Variants in EMSY observed in about 807,000 individuals in gnomAD.
EMSY encodes the protein BRCA2-interacting transcriptional repressor EMSY.
EMSY carries 26 observed loss-of-function variants against 134.6 expected under a neutral mutation model. The ratio of observed to expected loss-of-function variants is 0.19; its 90% CI spans 0.14 to 0.27. The LOEUF is 0.27. Ranked by LOEUF, EMSY falls within the 10% of genes least tolerant of loss-of-function variation. The probability of loss-of-function intolerance (pLI) is 1.00; values close to 1 mark genes in which losing one functional copy is unlikely to be tolerated. For synonymous variants in EMSY, 579 were observed against 577.8 expected (o/e 1.00, Z -0.03); for missense variants, 1,305 against 1,611.4 (o/e 0.81, Z 3.26).
intron 8 of EMSY, among the ~76,000 whole-genome samples, chr11:76,475,080 T>G (rs1478063946): frequency 6.6e-6 from 1 of 152,142 alleles, no homozygotes; most frequent in Non-Finnish European, 1.5e-5. Flanking sequence ...TAAAAATAAT[T>G]TTTATACAGA....
chr11:76,552,192 A>G (rs181406072), downstream of EMSY: 5 of 152,332 alleles, frequency 3.3e-5, no homozygotes, highest in Admixed American at 3.3e-4. Context: ...TTAATTGAGC[A>G]TCTTCTGTAT....
intron 6 of EMSY, among the ~76,000 whole-genome samples, chr11:76,462,324 A>G (rs1229290803): frequency 6.6e-6 from 1 of 152,280 alleles, no homozygotes; most frequent in Non-Finnish European, 1.5e-5. Flanking sequence ...TGTAGTTTTA[A>G]GTAACAGGAA....
intron 12 of EMSY, among the ~76,000 whole-genome samples, chr11:76,524,443 G>A (rs1402181569): frequency 6.6e-6 from 1 of 152,150 alleles, no homozygotes; most frequent in Non-Finnish European, 1.5e-5. Flanking sequence ...TCATTGGTAG[G>A]GGTCCAGCAT....
chr11:76,500,095 A>C (rs549579970), intron 9 of EMSY, among the ~76,000 whole-genome samples: 380 of 151,150 alleles, frequency 2.5e-3, no homozygotes, highest in African/African-American at 8.9e-3. Flanking sequence ...AAAAAAAACC[A>C]AACCCAAAAC....
chr11:76,538,334 A>G (rs548409175), intron 16 of EMSY, among the ~76,000 whole-genome samples: 1 of 152,232 alleles, frequency 6.6e-6, no homozygotes, highest in Non-Finnish European at 1.5e-5. Flanking sequence ...ATCATGATTC[A>G]CTGCAGCCTC....
At position 76,455,778 on chromosome 11, in the gene EMSY, T is replaced by C. The variant is rs190345048; in HGVS notation, c.245+2390T>C. Among the ~76,000 whole-genome samples, 77 of 152,356 alleles carry C rather than the reference T, an allele frequency of 5.1e-4. 1 individual carries two copies. The Middle Eastern group carries it at 0.034, about 67-fold the overall frequency. On this transcript the variant is annotated intron_variant, in intron 4 of 20. Transcript: ENST00000334736. The stretch of plus-strand genomic sequence containing the variant: ...ATACTCTTAATTCAGTTTTTAATTA[T>C]GTCAGAATGTTACAGTATTAACGCC...
At chr11:76,511,632 G>A (rs1446207042) in intron 9 of EMSY, among the ~76,000 whole-genome samples, 3 of 152,056 alleles carry the variant, frequency 2.0e-5, no homozygotes, top group East Asian at 1.9e-4. Context: ...CCCAGGAGGT[G>A]GAGGTTGCAG....
chr11:76,533,662 G>A (rs1391426734), intron 14 of EMSY, among the ~76,000 whole-genome samples: 1 of 152,170 alleles, frequency 6.6e-6, no homozygotes, highest in African/African-American at 2.4e-5. Context: ...AGAGATGTCT[G>A]AGTCTGCCTT....
At chr11:76,453,266 A>C in intron 3 of EMSY, 48 bp from the exon 4 acceptor site, 4 of 1,552,244 alleles carry the variant, frequency 2.6e-6, no homozygotes, top group Non-Finnish European at 3.5e-6. Context: ...AAGTATAGAA[A>C]GAGCTGCCTG....
chr11:76,538,423 T>C (rs935689196), intron 16 of EMSY, among the ~76,000 whole-genome samples: 2 of 151,904 alleles, frequency 1.3e-5, no homozygotes, highest in Non-Finnish European at 2.9e-5. Flanking sequence ...CTATGCCTGG[T>C]TAATTTTTTG....
intron 14 of EMSY, among the ~76,000 whole-genome samples, chr11:76,530,674 G>T (rs1480264673): frequency 6.6e-6 from 1 of 152,014 alleles, no homozygotes; most frequent in Non-Finnish European, 1.5e-5. Context: ...TGACTGTAAG[G>T]CAGATTTTTA....
intron 12 of EMSY, among the ~76,000 whole-genome samples, chr11:76,525,082 G>A (rs951196630): frequency 6.6e-5 from 10 of 152,292 alleles, no homozygotes; most frequent in Admixed American, 1.3e-4. Context: ...ACCTATGCAT[G>A]CCCACAACAC....
intron 2 of EMSY, among the ~76,000 whole-genome samples, chr11:76,448,145 G>A (rs539012536): frequency 2.7e-3 from 405 of 152,196 alleles, no homozygotes; most frequent in Non-Finnish European, 4.3e-3. Flanking sequence ...TAAAGGGCCC[G>A]TCATAGTAAA....
At chr11:76,518,910 T>C (rs971977673) in intron 11 of EMSY, among the ~76,000 whole-genome samples, 1 of 151,006 alleles carries the variant, frequency 6.6e-6, no homozygotes, top group African/African-American at 2.4e-5. Context: ...ATGACGAACA[T>C]TATTATACAT....
intron 9 of EMSY, among the ~76,000 whole-genome samples, chr11:76,513,087 G>A (rs1200282940): frequency 6.6e-6 from 1 of 152,128 alleles, no homozygotes; most frequent in Non-Finnish European, 1.5e-5. Context: ...TGCCTGTAAA[G>A]TCAAGTCCAG....
At chr11:76,481,779 T>A (rs899201039) in intron 8 of EMSY, among the ~76,000 whole-genome samples, 1 of 152,166 alleles carries the variant, frequency 6.6e-6, no homozygotes, top group Non-Finnish European at 1.5e-5. Context: ...CCCATCTCCC[T>A]GGGACAGAGC....
intron 1 of EMSY, 84 bp from the exon 2 acceptor site, chr11:76,446,816 C>A: frequency 6.3e-6 from 5 of 788,086 alleles, no homozygotes; most frequent in Non-Finnish European, 8.2e-6. Context: ...TACTTCTTAG[C>A]CTGTGACTGG....
chr11:76,513,051 T>C (rs1950333009), intron 9 of EMSY, among the ~76,000 whole-genome samples: 1 of 152,180 alleles, frequency 6.6e-6, no homozygotes, highest in African/African-American at 2.4e-5. Context: ...CCTTTCATCC[T>C]AAGTATTTGT....
intron 12 of EMSY, among the ~76,000 whole-genome samples, chr11:76,523,704 C>CT (rs746491659): frequency 0.015 from 1,191 of 80,534 alleles, 22 homozygotes; most frequent in East Asian, 0.023. Flanking sequence ...TTGTTACTTT[C>CT]TTTTTTTTTT....
Sources: gnomAD v4.1 joint callset for allele counts (sites outside exome capture counted in the v4.1 genomes callset) on GRCh38, gnomAD v4.1.1 for gene constraint, MANE v1.5 for transcripts, NCBI Gene and HGNC (gene_info 2026-07-23, HGNC 2026-07-21) for gene names.